The following FLI1 variants were observed in gnomAD, a reference collection of about 807,000 sequenced individuals.
FLI1 encodes Friend leukemia integration 1 transcription factor.
A neutral mutation model predicts 53.1 loss-of-function variants in FLI1; 13 were observed. The ratio of observed to expected loss-of-function variants is 0.24; its 90% confidence interval spans 0.16 to 0.39. FLI1 has a LOEUF of 0.39. FLI1 is among the 10% of genes least tolerant of loss of function. FLI1 has a pLI of 1.00. For missense variants in FLI1, 424 were observed against 600.5 expected (o/e 0.71, Z 3.07); for synonymous variants, 244 against 236.7 (o/e 1.03, Z -0.28).
At chr11:128,802,398 A>G (rs1942659510) in intron 5 of FLI1, among the ~76,000 whole-genome samples, 2 of 152,274 alleles carry the variant, frequency 1.3e-5, no homozygotes, top group South Asian at 4.1e-4. Flanking sequence ...TTCCATGCAA[A>G]TACTTGGGAA....
At chr11:128,745,708 T>G (rs948040845) in intron 1 of FLI1, among the ~76,000 whole-genome samples, 1 of 152,230 alleles carries the variant, frequency 6.6e-6, no homozygotes, top group African/African-American at 2.4e-5. Context: ...GCGGCATTCT[T>G]TTCTGGCTGC....
chr11:128,778,371 C>T (rs1035081728), intron 4 of FLI1, among the ~76,000 whole-genome samples: 19 of 152,206 alleles, frequency 1.2e-4, no homozygotes, highest in African/African-American at 4.6e-4. Context: ...CCCACAACCG[C>T]TTCCTCCACA....
At chr11:128,697,457 G>T (rs1458512364) in intron 1 of FLI1, among the ~76,000 whole-genome samples, 1 of 152,080 alleles carries the variant, frequency 6.6e-6, no homozygotes, top group Non-Finnish European at 1.5e-5. Flanking sequence ...TAGAAAATGG[G>T]GCCAAAGCAC....
At chr11:128,774,688 G>A (rs375561131) in intron 4 of FLI1, among the ~76,000 whole-genome samples, 17 of 152,338 alleles carry the variant, frequency 1.1e-4, no homozygotes, top group African/African-American at 3.8e-4. Flanking sequence ...CCAGTGCTTC[G>A]AGACTCTTCG....
intron 1 of FLI1, among the ~76,000 whole-genome samples, chr11:128,720,366 C>T (rs1036774198): frequency 6.6e-6 from 1 of 152,148 alleles, no homozygotes; most frequent in Non-Finnish European, 1.5e-5. Context: ...TTGTAACAGA[C>T]GCAGCCTTAT....
At chr11:128,761,043 T>C (rs1044569757) in intron 2 of FLI1, among the ~76,000 whole-genome samples, 5 of 152,192 alleles carry the variant, frequency 3.3e-5, no homozygotes, top group Non-Finnish European at 4.4e-5. Flanking sequence ...AACTCTTCAA[T>C]GGCTTATGAC....
chr11:128,760,545 T>C (rs962652176), intron 2 of FLI1, among the ~76,000 whole-genome samples: 4 of 112,300 alleles, frequency 3.6e-5, no homozygotes, highest in African/African-American at 1.0e-4. Context: ...TTTTTTTTTT[T>C]GAGATGGAGT....
intron 2 of FLI1, among the ~76,000 whole-genome samples, chr11:128,766,743 G>A (rs528233378): frequency 8.6e-5 from 13 of 151,902 alleles, no homozygotes; most frequent in East Asian, 5.9e-4. Context: ...GCTGTGGTCC[G>A]TTCCTGCGCC....
intron 4 of FLI1, among the ~76,000 whole-genome samples, 187 bp from the exon 5 acceptor site, chr11:128,781,771 A>G (rs937432190): frequency 5.9e-5 from 9 of 152,104 alleles, no homozygotes; most frequent in African/African-American, 1.9e-4. Flanking sequence ...CCATAAAGCT[A>G]TTACAGGCCT....
intron 1 of FLI1, among the ~76,000 whole-genome samples, chr11:128,719,829 G>A (rs1387209556): frequency 1.3e-5 from 2 of 152,166 alleles, no homozygotes; most frequent in South Asian, 2.1e-4. Context: ...TGGGAGACAA[G>A]GGACATGGAA....
rs767613683 is a variant in FLI1, at chr11:128,811,673, C to T, written c.*685C>T. 15 of 204,690 alleles carry T rather than the reference C, an allele frequency of 7.3e-5. No homozygotes were observed. Among genetic ancestry groups the T allele is most frequent in the Admixed American group, 1.2e-4 (2 of 16,636 alleles). 12.7% of individuals were successfully genotyped at this position (204,690 alleles called of 1,614,324 possible). ...TGCAAATACATACATTCCTGAAAGA[C>T]GGGGAATTAAATTACTAATTTTTTT... On this transcript the variant is annotated 3_prime_UTR_variant, in exon 9 of 9. Transcript: ENST00000527786.
chr11:128,712,616 G>A (rs544669701), intron 1 of FLI1, among the ~76,000 whole-genome samples: 10 of 152,118 alleles, frequency 6.6e-5, no homozygotes, highest in Non-Finnish European at 1.3e-4. Flanking sequence ...CACCTTACAC[G>A]GATGGCAGCA....
At chr11:128,749,154 G>A (rs185684454) in intron 1 of FLI1, among the ~76,000 whole-genome samples, 17 of 152,312 alleles carry the variant, frequency 1.1e-4, no homozygotes, top group African/African-American at 4.1e-4. Flanking sequence ...TCATGGTGCT[G>A]ATTCCTGCCA....
At chr11:128,799,910 G>T (rs915995723) in intron 5 of FLI1, among the ~76,000 whole-genome samples, 1 of 152,182 alleles carries the variant, frequency 6.6e-6, no homozygotes, top group Non-Finnish European at 1.5e-5. Context: ...TGATGGAGAT[G>T]GGGTTTTAGA....
At chr11:128,776,679 A>G (rs1423370816) in intron 4 of FLI1, among the ~76,000 whole-genome samples, 1 of 152,152 alleles carries the variant, frequency 6.6e-6, no homozygotes, top group African/African-American at 2.4e-5. Flanking sequence ...CCCCTTGTGG[A>G]CAACTATCTA....
intron 1 of FLI1, among the ~76,000 whole-genome samples, chr11:128,732,456 C>T (rs1939738987): frequency 6.6e-6 from 1 of 152,172 alleles, no homozygotes. Context: ...TGTGCTAAGT[C>T]CTTGGGGACA....
chr11:128,751,331 A>G (rs146925700), intron 1 of FLI1, among the ~76,000 whole-genome samples: 79 of 150,686 alleles, frequency 5.2e-4, no homozygotes, highest in African/African-American at 1.9e-3. Flanking sequence ...ATTTCTCAGC[A>G]TTGGCCTTCA....
At chr11:128,690,562 C>T (rs1937699173), upstream of FLI1, among the ~76,000 whole-genome samples, 1 of 152,244 alleles carries the variant, frequency 6.6e-6, no homozygotes, top group Admixed American at 6.5e-5. Context: ...CCGCCGCTCC[C>T]CTCCCGGGGG....
chr11:128,808,943 C>T (rs1487446821), intron 7 of FLI1, among the ~76,000 whole-genome samples: 1 of 152,156 alleles, frequency 6.6e-6, no homozygotes, highest in East Asian at 1.9e-4. Flanking sequence ...TAATCCTGTT[C>T]CTATTCTTTG....
Sources: gnomAD v4.1 joint callset for allele counts (sites outside exome capture counted in the v4.1 genomes callset) on GRCh38, gnomAD v4.1.1 for gene constraint, MANE v1.5 for transcripts, NCBI Gene and HGNC (gene_info 2026-07-23, HGNC 2026-07-21) for gene names.